Variants in CADM2 observed in about 807,000 individuals in gnomAD.
CADM2 encodes cell adhesion molecule 2, also known as immunoglobulin superfamily member 4D.
CADM2 carries 12 observed loss-of-function variants against 49.8 expected under a neutral mutation model. That is an observed-to-expected ratio of 0.24 (90% CI 0.15 to 0.39). CADM2 has a LOEUF of 0.39. Ranked by LOEUF, CADM2 falls within the 10% of genes least tolerant of loss-of-function variation. The pLI is 1.00. For missense variants in CADM2, 378 were observed against 492.3 expected (o/e 0.77, Z 2.20); for synonymous variants, 214 against 175.4 (o/e 1.22, Z -1.74).
At chr3:85,022,051 T>G (rs2034533801) in intron 1 of CADM2, among the ~76,000 whole-genome samples, 1 of 152,160 alleles carries the variant, frequency 6.6e-6, no homozygotes, top group African/African-American at 2.4e-5. Context: ...GCTAAACTAC[T>G]AACAGAGGGA....
intron 1 of CADM2, among the ~76,000 whole-genome samples, chr3:85,556,775 T>C (rs980964105): frequency 1.3e-5 from 2 of 152,108 alleles, no homozygotes; most frequent in Non-Finnish European, 2.9e-5. Context: ...ATAATATCCT[T>C]TGCATGCTTA....
At chr3:85,978,130 C>T (rs1727020612) in intron 8 of CADM2, among the ~76,000 whole-genome samples, 1 of 151,584 alleles carries the variant, frequency 6.6e-6, no homozygotes, top group South Asian at 2.1e-4. Flanking sequence ...TTTCTAATTT[C>T]CTCACTGTGT....
chr3:85,591,084 G>A (rs911548717), intron 1 of CADM2, among the ~76,000 whole-genome samples: 3 of 151,938 alleles, frequency 2.0e-5, no homozygotes, highest in Admixed American at 6.6e-5. Context: ...ATATTTCAGT[G>A]TAAGTGACTT....
intron 1 of CADM2, among the ~76,000 whole-genome samples, chr3:85,346,335 C>A (rs2030641921): frequency 2.6e-5 from 4 of 152,108 alleles, no homozygotes. Flanking sequence ...TACACTGTTA[C>A]TTTGACATTT....
At chr3:85,143,131 A>T (rs1201042338) in intron 1 of CADM2, among the ~76,000 whole-genome samples, 1 of 152,160 alleles carries the variant, frequency 6.6e-6, no homozygotes, top group Non-Finnish European at 1.5e-5. Context: ...AAAACTTTTT[A>T]AAAAGTATTT....
chr3:85,618,121 T>C (rs1235527807), intron 1 of CADM2, among the ~76,000 whole-genome samples: 2 of 152,158 alleles, frequency 1.3e-5, no homozygotes, highest in Non-Finnish European at 2.9e-5. Flanking sequence ...CTAAGCAACT[T>C]AAATTGAAAA....
chr3:85,340,474 T>C (rs774171367), intron 1 of CADM2, among the ~76,000 whole-genome samples: 10 of 151,606 alleles, frequency 6.6e-5, no homozygotes, highest in Non-Finnish European at 1.2e-4. Flanking sequence ...GCATTATAGA[T>C]ACATATATAT....
At chr3:85,626,654 A>G (rs1414656080) in intron 1 of CADM2, among the ~76,000 whole-genome samples, 1 of 152,126 alleles carries the variant, frequency 6.6e-6, no homozygotes, top group African/African-American at 2.4e-5. Flanking sequence ...TAATTGAAAA[A>G]TAGCAATTAT....
At chr3:85,357,735 C>T (rs547712950) in intron 1 of CADM2, among the ~76,000 whole-genome samples, 1 of 152,164 alleles carries the variant, frequency 6.6e-6, no homozygotes, top group South Asian at 2.1e-4. Context: ...TAGTGTAAAA[C>T]TTCCATGTCT....
intron 1 of CADM2, among the ~76,000 whole-genome samples, chr3:85,628,556 CACAT>C (rs1263742163): frequency 6.8e-6 from 1 of 146,050 alleles, no homozygotes; most frequent in African/African-American, 2.5e-5. Flanking sequence ...TATATACACA[CACAT>C]ATATATACAT....
At chr3:85,839,464 T>C (rs566222284) in intron 3 of CADM2, among the ~76,000 whole-genome samples, 1 of 150,072 alleles carries the variant, frequency 6.7e-6, no homozygotes, top group South Asian at 2.1e-4. Context: ...GAAAAACATA[T>C]GGTTATTATT....
intron 1 of CADM2, among the ~76,000 whole-genome samples, chr3:85,384,967 A>G (rs2034136202): frequency 6.6e-6 from 1 of 151,934 alleles, no homozygotes; most frequent in Non-Finnish European, 1.5e-5. Flanking sequence ...ATGGAGTCTC[A>G]CTGTGTGGCC....
intron 1 of CADM2, among the ~76,000 whole-genome samples, chr3:85,059,347 A>G (rs888673323): frequency 6.6e-6 from 1 of 152,102 alleles, no homozygotes; most frequent in African/African-American, 2.4e-5. Flanking sequence ...GCATTTCTCT[A>G]AAGTCTTACG....
chr3:85,769,855 G>GA (rs11445724), intron 2 of CADM2, among the ~76,000 whole-genome samples: 15,626 of 151,118 alleles, frequency 0.1, 910 homozygotes, highest in South Asian at 0.12. Flanking sequence ...ATATCAATGA[G>GA]AAAAAAAGGG....
chr3:85,083,065 A>T (rs890587691), intron 1 of CADM2, among the ~76,000 whole-genome samples: 3 of 152,068 alleles, frequency 2.0e-5, no homozygotes, highest in African/African-American at 7.2e-5. Context: ...GATATTGTGT[A>T]TATGTGTACT....
At chr3:85,493,697 G>T (rs1422917738) in intron 1 of CADM2, among the ~76,000 whole-genome samples, 1 of 152,176 alleles carries the variant, frequency 6.6e-6, no homozygotes, top group South Asian at 2.1e-4. Context: ...TGAGGATTCT[G>T]TTACTCACCT....
In CADM2 at chr3:85,458,015, T is replaced by C. The variant is rs185728700; in HGVS notation, c.62-268507T>C. Among the ~76,000 whole-genome samples the C allele has an allele frequency of 5.9e-5, 9 of 152,320 alleles. No homozygotes were observed. In the East Asian group the frequency reaches 1.7e-3, roughly 29 times the overall value. ...TTTATCATCTCTTTACCTAAAACTC[T>C]TACACATTTTTCTTTCCACAATTCA... is the stretch of plus-strand genomic sequence containing the variant. On this transcript the variant is annotated intron_variant, in intron 1 of 9. Coordinates refer to ENST00000383699, the MANE Select transcript of CADM2 (RefSeq NM_001167675.2).
chr3:85,518,921 C>G (rs1303879132), intron 1 of CADM2, among the ~76,000 whole-genome samples: 1 of 152,086 alleles, frequency 6.6e-6, no homozygotes, highest in Non-Finnish European at 1.5e-5. Flanking sequence ...CTTCACGGAA[C>G]ATTTTTCCAG....
chr3:85,166,336 A>C (rs890052088), intron 1 of CADM2, among the ~76,000 whole-genome samples: 2 of 151,812 alleles, frequency 1.3e-5, no homozygotes, highest in Non-Finnish European at 3.0e-5. Context: ...ATGTATCTGA[A>C]AATTTGGATA....
Sources: gnomAD v4.1 joint callset for allele counts (sites outside exome capture counted in the v4.1 genomes callset) on GRCh38, gnomAD v4.1.1 for gene constraint, MANE v1.5 for transcripts, NCBI Gene and HGNC (gene_info 2026-07-23, HGNC 2026-07-21) for gene names.